The following PAK5 variants were observed in gnomAD, a reference collection of about 807,000 sequenced individuals.
The protein encoded by PAK5 is serine/threonine-protein kinase PAK 5.
Under a neutral mutation model 65.9 loss-of-function variants are expected in PAK5, and 16 were observed. The ratio of observed to expected loss-of-function variants is 0.24; its 90% CI spans 0.16 to 0.37. The LOEUF is 0.37. Ranked by LOEUF, PAK5 falls within the 10% of genes least tolerant of loss-of-function variation. The probability of loss-of-function intolerance (pLI) is 1.00; values close to 1 mark genes in which losing one functional copy is unlikely to be tolerated. For missense variants in PAK5, 785 were observed against 903.9 expected (o/e 0.87, Z 1.69); for synonymous variants, 371 against 354.9 (o/e 1.05, Z -0.51).
chr20:9,557,178 T>C (rs1335638615), intron 7 of PAK5, among the ~76,000 whole-genome samples: 14 of 152,144 alleles, frequency 9.2e-5, no homozygotes. Flanking sequence ...TTGTAAACTG[T>C]CCTTTATTAC....
intron 1 of PAK5, among the ~76,000 whole-genome samples, chr20:9,744,254 G>A (rs539338919): frequency 1.5e-4 from 23 of 152,312 alleles, no homozygotes; most frequent in African/African-American, 5.5e-4. Context: ...GGTTACAGTG[G>A]TCACAGGAAA....
intron 7 of PAK5, among the ~76,000 whole-genome samples, 154 bp downstream of exon 7, chr20:9,557,454 G>T (rs1466235664): frequency 6.6e-6 from 1 of 152,208 alleles, no homozygotes; most frequent in African/African-American, 2.4e-5. Flanking sequence ...GGAAGGGATG[G>T]TAATTTCTTT....
At chr20:9,623,719 G>A (rs541586311) in intron 3 of PAK5, among the ~76,000 whole-genome samples, 3 of 152,284 alleles carry the variant, frequency 2.0e-5, no homozygotes, top group Admixed American at 2.0e-4. Context: ...TCTTAGTAAT[G>A]CAAGAATTCT....
chr20:9,829,985 C>T (rs1978578769), intron 1 of PAK5, among the ~76,000 whole-genome samples: 1 of 152,188 alleles, frequency 6.6e-6, no homozygotes, highest in African/African-American at 2.4e-5. Context: ...CTCCCACCAA[C>T]AGTCTTTTTT....
rs939378294 is a variant in PAK5 at position 9,539,314 on chromosome 20, G to C, written c.*148C>G. Reference sequence around the variant, plus strand: ...GTTTAAGACACAAGAAGATGCCCTGGTCTGTTGAACCCTGCCGGTCATCAC... The same window carrying C: ...GTTTAAGACACAAGAAGATGCCCTGCTCTGTTGAACCCTGCCGGTCATCAC... On this transcript the variant is annotated 3_prime_UTR_variant, in exon 10 of 10. Transcript: ENST00000353224. 8.5e-6 allele frequency: 6 copies of C among 702,938 alleles called. No homozygotes were observed. Among genetic ancestry groups the C allele is most frequent in the Non-Finnish European group, 7.4e-6 (3 of 406,630 alleles). The allele number at this position is 702,938 out of a possible 1,614,324, so 43.5% of individuals were successfully genotyped here. A position where few individuals can be genotyped will look rare whatever the true frequency, so the allele number is the denominator to read the frequency against.
intron 3 of PAK5, among the ~76,000 whole-genome samples, chr20:9,604,627 C>A (rs993687940): frequency 1.3e-5 from 2 of 152,172 alleles, no homozygotes; most frequent in South Asian, 2.1e-4. Flanking sequence ...CTATTCACAC[C>A]CCTGCATCCA....
At chr20:9,617,929 T>C (rs1399252269) in intron 3 of PAK5, among the ~76,000 whole-genome samples, 1 of 152,068 alleles carries the variant, frequency 6.6e-6, no homozygotes, top group African/African-American at 2.4e-5. Context: ...TTACATGAGG[T>C]TTGTTGTCAA....
At chr20:9,551,672 G>C (rs2045430188) in intron 7 of PAK5, among the ~76,000 whole-genome samples, 1 of 152,200 alleles carries the variant, frequency 6.6e-6, no homozygotes. Context: ...GGGGCTACTT[G>C]TGTGCCTAGT....
chr20:9,685,426 G>A (rs2047705196), intron 2 of PAK5, among the ~76,000 whole-genome samples: 1 of 152,030 alleles, frequency 6.6e-6, no homozygotes, highest in African/African-American at 2.4e-5. Context: ...ATATGGACAC[G>A]GATATACACA....
intron 1 of PAK5, among the ~76,000 whole-genome samples, chr20:9,755,950 T>A (rs2048628881): frequency 6.6e-6 from 1 of 152,200 alleles, no homozygotes; most frequent in Admixed American, 6.5e-5. Flanking sequence ...GATATGGTAT[T>A]CTGTTTACTG....
At chr20:9,805,910 CA>C (rs1282902075) in intron 1 of PAK5, among the ~76,000 whole-genome samples, 8 of 152,072 alleles carry the variant, frequency 5.3e-5, no homozygotes, top group African/African-American at 1.9e-4. Context: ...GTAGCACTAC[CA>C]AAGAAAACAC....
intron 1 of PAK5, among the ~76,000 whole-genome samples, chr20:9,724,610 G>A (rs1445334277): frequency 1.3e-5 from 2 of 152,112 alleles, no homozygotes; most frequent in Non-Finnish European, 2.9e-5. Context: ...ATGGTTATTT[G>A]GGGGCTCCAG....
At chr20:9,676,424 C>G (rs1159027760) in intron 2 of PAK5, among the ~76,000 whole-genome samples, 2 of 151,928 alleles carry the variant, frequency 1.3e-5, no homozygotes, top group African/African-American at 4.8e-5. Flanking sequence ...TTTGAAGGAC[C>G]TAATAAACTA....
intron 1 of PAK5, among the ~76,000 whole-genome samples, chr20:9,787,570 A>G (rs1246139545): frequency 1.3e-5 from 2 of 151,750 alleles, no homozygotes; most frequent in African/African-American, 4.8e-5. Flanking sequence ...TCAGTTTTTC[A>G]TCTATAAAAT....
At chr20:9,819,761 G>A (rs1281675184) in intron 1 of PAK5, among the ~76,000 whole-genome samples, 1 of 152,124 alleles carries the variant, frequency 6.6e-6, no homozygotes, top group African/African-American at 2.4e-5. Context: ...CCAGGCAACA[G>A]TAATTAGACA....
chr20:9,551,791 G>A (rs2045432644), intron 7 of PAK5, among the ~76,000 whole-genome samples: 1 of 152,200 alleles, frequency 6.6e-6, no homozygotes, highest in South Asian at 2.1e-4. Flanking sequence ...CACGTAGCCT[G>A]AGTGAACCAG....
intron 3 of PAK5, among the ~76,000 whole-genome samples, chr20:9,635,697 G>A (rs1445837702): frequency 6.6e-6 from 1 of 152,160 alleles, no homozygotes; most frequent in Non-Finnish European, 1.5e-5. Flanking sequence ...TGAACATGAA[G>A]GCACTGGACT....
At chr20:9,669,009 T>C (rs939243929) in intron 2 of PAK5, among the ~76,000 whole-genome samples, 11 of 152,182 alleles carry the variant, frequency 7.2e-5, no homozygotes, top group Non-Finnish European at 1.5e-4. Flanking sequence ...TAATGTATAA[T>C]GGAACACAAA....
At chr20:9,543,069 T>C (rs974550243) in intron 8 of PAK5, among the ~76,000 whole-genome samples, 5 of 152,122 alleles carry the variant, frequency 3.3e-5, no homozygotes, top group African/African-American at 4.8e-5. Flanking sequence ...GAGAAGAAAA[T>C]TGTATTTAAA....
Sources: allele counts gnomAD v4.1 joint callset (sites outside exome capture counted in the v4.1 genomes callset), GRCh38; gene constraint gnomAD v4.1.1; transcripts MANE v1.5; gene names NCBI Gene and HGNC (gene_info 2026-07-23, HGNC 2026-07-21).